MACIR: variants seen among roughly 807,000 people sequenced by gnomAD.
MACIR encodes macrophage immunometabolism regulator.
A neutral mutation model predicts 14.3 loss-of-function variants in MACIR; 4 were observed. The observed-to-expected ratio is 0.28, with a 90% CI of 0.14 to 0.64. The LOEUF (loss-of-function observed/expected upper bound fraction) is 0.64. Ranked by LOEUF, MACIR falls within the 30% of genes least tolerant of loss-of-function variation. The pLI is 0.83. For synonymous variants in MACIR, 101 were observed against 102.4 expected (o/e 0.99, Z 0.08); for missense variants, 228 against 257.6 (o/e 0.89, Z 0.79).
chr5:103,269,461 A>C (rs1410532939), intron 2 of MACIR, among the ~76,000 whole-genome samples: 1 of 151,596 alleles, frequency 6.6e-6, no homozygotes, highest in African/African-American at 2.4e-5. Context: ...TAAAAAAAAC[A>C]GTGAAAGCAT....
chr5:103,261,243 A>T (rs1804671262), intron 1 of MACIR, among the ~76,000 whole-genome samples: 1 of 152,208 alleles, frequency 6.6e-6, no homozygotes, highest in Admixed American at 6.5e-5. Context: ...GTTTGTTTGT[A>T]AGGTCAAGGA....
rs1805327784 is a variant in MACIR, at chr5:103,276,277, C to T, written c.358C>T (p.Pro120Ser). ...TAGGTACTACCAGCCATACGAGATT[C>T]CAGCTGTCAATGGCAGGAGGCGAAG... is the stretch of plus-strand genomic sequence containing the variant. Reference protein sequence around the residue: ...RSRYYQPYEIPAVNGRRRRRM... With the variant: ...RSRYYQPYEISAVNGRRRRRM... The change falls in exon 3 of 3, where the codon CCA becomes TCA. Residue 120 changes from proline to serine, a missense_variant. Transcript: ENST00000319933. 1 of 1,612,624 alleles carries T rather than the reference C, an allele frequency of 6.2e-7. No homozygotes were observed. The highest frequency in any genetic ancestry group is 2.2e-5 in the East Asian group (1 of 44,862).
chr5:103,267,986 G>T (rs546952905), intron 2 of MACIR, among the ~76,000 whole-genome samples: 1 of 152,272 alleles, frequency 6.6e-6, no homozygotes, highest in African/African-American at 2.4e-5. Context: ...TGTAATGTCT[G>T]CTTCTTTCAC....
chr5:103,265,649 C>G (rs1554236688), intron 1 of MACIR, among the ~76,000 whole-genome samples: 1 of 152,134 alleles, frequency 6.6e-6, no homozygotes, highest in Middle Eastern at 3.4e-3. Context: ...TTTATTTAGC[C>G]CAGTTAGGTA....
chr5:103,272,225 A>G (rs902551568), intron 2 of MACIR, among the ~76,000 whole-genome samples: 28 of 152,232 alleles, frequency 1.8e-4, no homozygotes, highest in African/African-American at 6.8e-4. Context: ...AACACAGGCC[A>G]TCTCTAGTTA....
At chr5:103,261,655 TTTC>T (rs1804702318) in intron 1 of MACIR, among the ~76,000 whole-genome samples, 1 of 99,674 alleles carries the variant, frequency 1.0e-5, no homozygotes, top group Admixed American at 9.5e-5. Flanking sequence ...TCTTTCTTTC[TTTC>T]TTTCTTTCTT....
intron 1 of MACIR, among the ~76,000 whole-genome samples, chr5:103,260,183 A>C (rs1189784248): frequency 6.6e-6 from 1 of 150,756 alleles, no homozygotes; most frequent in Admixed American, 6.6e-5. Flanking sequence ...CTGAAAGAAC[A>C]ATTCTTGCAT....
At chr5:103,265,465 T>C (rs1233046709) in intron 1 of MACIR, among the ~76,000 whole-genome samples, 1 of 152,186 alleles carries the variant, frequency 6.6e-6, no homozygotes, top group Non-Finnish European at 1.5e-5. Flanking sequence ...TTGATATTTA[T>C]GCAGGGTCAA....
chr5:103,262,678 G>A (rs1804771204), intron 1 of MACIR, among the ~76,000 whole-genome samples: 1 of 152,284 alleles, frequency 6.6e-6, no homozygotes, highest in African/African-American at 2.4e-5. Flanking sequence ...AAGTCTGTGG[G>A]CAGCTCTTGG....
At position 103,273,606 on chromosome 5, in the gene MACIR, A is replaced by G. The variant is rs530885955; in HGVS notation, c.-23-2291A>G. The stretch of plus-strand genomic sequence containing the variant: ...TTCTGACAGTTTACCTTGATGCAGC[A>G]GGATTGGCTTAGTATGGGGAAAAAC... On this transcript the variant is annotated intron_variant, in intron 2 of 2. Transcript: ENST00000319933. 9.8e-5 allele frequency among the ~76,000 whole-genome samples: 15 copies of G among 152,302 alleles called. No homozygotes were observed. In the South Asian group the frequency reaches 2.5e-3, roughly 25 times the overall value.
intron 2 of MACIR, among the ~76,000 whole-genome samples, chr5:103,267,336 G>C (rs782403485): frequency 3.3e-5 from 5 of 152,102 alleles, no homozygotes; most frequent in Non-Finnish European, 5.9e-5. Flanking sequence ...AATAGTGGCT[G>C]TACTGTATTA....
intron 1 of MACIR, among the ~76,000 whole-genome samples, chr5:103,264,648 A>C (rs1562547195): frequency 6.6e-6 from 1 of 152,134 alleles, no homozygotes; most frequent in Non-Finnish European, 1.5e-5. Flanking sequence ...AATACATGAA[A>C]GGGAGTGTTT....
At chr5:103,263,239 C>G (rs1804795815) in intron 1 of MACIR, among the ~76,000 whole-genome samples, 1 of 117,562 alleles carries the variant, frequency 8.5e-6, no homozygotes, top group Non-Finnish European at 2.0e-5. Context: ...TCTTCCTCCT[C>G]CTCCTCCTGC....
At chr5:103,269,664 A>G (rs1805056029) in intron 2 of MACIR, among the ~76,000 whole-genome samples, 3 of 152,146 alleles carry the variant, frequency 2.0e-5, no homozygotes, top group Admixed American at 2.0e-4. Flanking sequence ...CCAAATAGAT[A>G]GGAAGCTTGG....
intron 2 of MACIR, among the ~76,000 whole-genome samples, chr5:103,270,216 C>T (rs2149929536): frequency 6.6e-6 from 1 of 152,144 alleles, no homozygotes; most frequent in South Asian, 2.1e-4. Flanking sequence ...CATATAAAAA[C>T]CAGAAACATT....
intron 2 of MACIR, among the ~76,000 whole-genome samples, chr5:103,271,767 C>T (rs549540712): frequency 3.3e-5 from 5 of 152,188 alleles, no homozygotes; most frequent in East Asian, 3.9e-4. Context: ...TACAAGTTGA[C>T]GTTTCTATTC....
At chr5:103,268,735 A>G (rs1393481973) in intron 2 of MACIR, among the ~76,000 whole-genome samples, 1 of 152,168 alleles carries the variant, frequency 6.6e-6, no homozygotes, top group Non-Finnish European at 1.5e-5. Context: ...ATTCTGGTGT[A>G]GACAAGTTTG....
chr5:103,271,022 T>A (rs1310571716), intron 2 of MACIR, among the ~76,000 whole-genome samples: 1 of 152,180 alleles, frequency 6.6e-6, no homozygotes, highest in Non-Finnish European at 1.5e-5. Context: ...AATATTAAAC[T>A]TGGCGGAATG....
At position 103,258,847 on chromosome 5, in the gene MACIR, C is replaced by G. The variant is rs1804553897; in HGVS notation, c.-163C>G. 6.6e-6 allele frequency: 1 copy of G among 152,350 alleles called. No homozygotes were observed. The highest frequency in any genetic ancestry group is 1.5e-5 in the Non-Finnish European group (1 of 68,186). 9.4% of individuals were successfully genotyped at this position (152,350 alleles called of 1,614,324 possible). A position where few individuals can be genotyped will look rare whatever the true frequency, so the allele number is the denominator to read the frequency against. On this transcript the variant is annotated 5_prime_UTR_variant, in exon 1 of 3. Coordinates refer to ENST00000319933, the MANE Select transcript of MACIR (RefSeq NM_033211.4). ...CCTGCGCCTCTCCCGCCCCTGTCTC[C>G]CGCTCCGCAGCCCCGGGCACGGCGG... is the stretch of plus-strand genomic sequence containing the variant.
Sources: allele counts gnomAD v4.1 joint callset (sites outside exome capture counted in the v4.1 genomes callset), GRCh38; gene constraint gnomAD v4.1.1; transcripts MANE v1.5; gene names NCBI Gene and HGNC (gene_info 2026-07-23, HGNC 2026-07-21).